The following PTPRT variants were observed in gnomAD, a reference collection of about 807,000 sequenced individuals.
PTPRT encodes receptor-type tyrosine-protein phosphatase T.
In PTPRT, 56 loss-of-function variants were observed where a neutral mutation model predicts 176.8. The observed-to-expected ratio is 0.32, with a 90% CI of 0.26 to 0.40. The LOEUF (loss-of-function observed/expected upper bound fraction) is 0.40, where lower values mean the gene tolerates loss of function less well. PTPRT is among the 10% of genes least tolerant of loss of function. PTPRT has a pLI of 1.00. For missense variants in PTPRT, 1,540 were observed against 1,908.2 expected (o/e 0.81, Z 3.60); for synonymous variants, 783 against 739.0 (o/e 1.06, Z -0.96).
At chr20:42,677,784 G>A (rs2075532203) in intron 7 of PTPRT, 82 bp downstream of exon 7, 1 of 1,466,864 alleles carries the variant, frequency 6.8e-7, no homozygotes, top group African/African-American at 1.4e-5. Context: ...GGAATTATCT[G>A]TCACAGGAAG....
chr20:42,503,950 C>A (rs570816784), intron 7 of PTPRT, among the ~76,000 whole-genome samples: 72 of 152,198 alleles, frequency 4.7e-4, no homozygotes, highest in South Asian at 8.3e-4. Flanking sequence ...ATGAGGGAAT[C>A]CTACCTTCAT....
chr20:42,964,700 C>T (rs1417242913), intron 1 of PTPRT, among the ~76,000 whole-genome samples: 4 of 152,054 alleles, frequency 2.6e-5, no homozygotes, highest in South Asian at 2.1e-4. Flanking sequence ...TTTTCCTGTG[C>T]TTTGAGTATT....
chr20:42,153,640 T>C (rs1989227109), intron 17 of PTPRT, among the ~76,000 whole-genome samples: 1 of 152,166 alleles, frequency 6.6e-6, no homozygotes, highest in Admixed American at 6.5e-5. Flanking sequence ...CGAGGGTACC[T>C]CTATTCCTCC....
chr20:42,104,232 A>G (rs1051857212), intron 25 of PTPRT, among the ~76,000 whole-genome samples: 5 of 152,156 alleles, frequency 3.3e-5, no homozygotes, highest in African/African-American at 1.2e-4. Flanking sequence ...AATTTGGGAG[A>G]CCAAGGTGGG....
intron 1 of PTPRT, among the ~76,000 whole-genome samples, chr20:43,119,530 A>T (rs1043963830): frequency 1.3e-5 from 2 of 152,212 alleles, no homozygotes; most frequent in African/African-American, 4.8e-5. Context: ...ATGCATCATG[A>T]CCCAGATTAT....
intron 1 of PTPRT, among the ~76,000 whole-genome samples, chr20:42,888,827 G>T (rs1439174973): frequency 4.6e-5 from 7 of 152,108 alleles, no homozygotes; most frequent in African/African-American, 1.7e-4. Context: ...CACAAAGTTT[G>T]CAGAATAGAG....
At chr20:42,463,794 A>G (rs1408584806) in intron 8 of PTPRT, among the ~76,000 whole-genome samples, 1 of 152,148 alleles carries the variant, frequency 6.6e-6, no homozygotes, top group Non-Finnish European at 1.5e-5. Flanking sequence ...TTCAGTTGCC[A>G]TATTTCTTTA....
At chr20:42,269,131 CT>C (rs1271601521) in intron 13 of PTPRT, among the ~76,000 whole-genome samples, 1 of 152,244 alleles carries the variant, frequency 6.6e-6, no homozygotes, top group Non-Finnish European at 1.5e-5. Flanking sequence ...CACATCCCCC[CT>C]TAGCTTTGTT....
At chr20:42,267,072 G>C (rs979033416) in intron 13 of PTPRT, among the ~76,000 whole-genome samples, 4 of 152,178 alleles carry the variant, frequency 2.6e-5, no homozygotes, top group African/African-American at 9.7e-5. Context: ...GTGGGCTTAA[G>C]ATTCTTTGAC....
At chr20:42,757,296 GACAAACTTCA>G in intron 5 of PTPRT, among the ~76,000 whole-genome samples, 1 of 152,198 alleles carries the variant, frequency 6.6e-6, no homozygotes, top group South Asian at 2.1e-4. Context: ...CATTCTTTCA[GACAAACTTCA>G]GCAGACTTAG....
chr20:42,264,229 A>G lies in PTPRT; in HGVS notation c.2177-15407T>C, dbSNP rs117632620. On this transcript the variant is annotated intron_variant, in intron 13 of 30. Transcript: ENST00000373187. ...GATTAGACATTTGTTTTGAAGAAGC[A>G]CAAACATTAACAATCATCTCCCACA... Among the ~76,000 whole-genome samples, 880 of 152,318 alleles carry G rather than the reference A, an allele frequency of 5.8e-3. 2 individuals are homozygous for G. The highest frequency in any genetic ancestry group is 9.8e-3 in the Non-Finnish European group (668 of 68,026).
intron 1 of PTPRT, among the ~76,000 whole-genome samples, chr20:43,064,072 C>T (rs963100520): frequency 6.8e-4 from 104 of 152,138 alleles, no homozygotes; most frequent in Non-Finnish European, 1.0e-4. Context: ...CAGACTACTA[C>T]CTATTCATCC....
chr20:42,683,275 T>G (rs542010067), intron 6 of PTPRT, among the ~76,000 whole-genome samples: 1 of 151,982 alleles, frequency 6.6e-6, no homozygotes, highest in East Asian at 1.9e-4. Flanking sequence ...TTGTTTTTTT[T>G]GTTTTGTTTT....
chr20:42,593,213 T>C lies in PTPRT; in HGVS notation c.1153+84653A>G, dbSNP rs552602538. Among the ~76,000 whole-genome samples, 9 of 152,208 alleles carry C rather than the reference T, an allele frequency of 5.9e-5. 1 individual carries two copies. The South Asian group carries it at 1.9e-3, about 32-fold the overall frequency. On this transcript the variant is annotated intron_variant, in intron 7 of 30. Transcript: ENST00000373187. ...GAGGAGCAGGATCCCCCAAAACCCA[T>C]CTCTGTGATCGCTATTGGATGCCAA... is the stretch of plus-strand genomic sequence containing the variant.
At chr20:42,277,624 G>C (rs2057063551) in intron 13 of PTPRT, among the ~76,000 whole-genome samples, 1 of 152,150 alleles carries the variant, frequency 6.6e-6, no homozygotes, top group Non-Finnish European at 1.5e-5. Flanking sequence ...GAGCCAGTTT[G>C]GACTCATAAT....
intron 12 of PTPRT, among the ~76,000 whole-genome samples, chr20:42,308,910 C>T (rs764297281): frequency 1.2e-4 from 18 of 152,184 alleles, no homozygotes; most frequent in Admixed American, 2.0e-4. Flanking sequence ...ACTATTATAA[C>T]GTGATTATAC....
intron 1 of PTPRT, chr20:42,966,547 G>A (rs552347383): frequency 6.6e-6 from 1 of 152,166 alleles, no homozygotes; most frequent in African/African-American, 2.4e-5. Context: ...ATCTGCAACA[G>A]AAGGTACCGC....
chr20:42,886,022 T>C, intron 1 of PTPRT, 90 bp from the exon 2 acceptor site: 1 of 1,099,050 alleles, frequency 9.1e-7, no homozygotes, highest in Non-Finnish European at 1.2e-6. Context: ...TTTACAGCTT[T>C]GAATTTTAAA....
Position 43,096,561 on chromosome 20 carries a change from C to T in PTPRT, c.88+93085G>A, listed in dbSNP as rs1378455706. The stretch of plus-strand genomic sequence containing the variant: ...CAGAGGGGGTTCCTCCACTCCTGGC[C>T]GGTTCCCCAGCTCAGCAGGCTCCCG... On this transcript the variant is annotated intron_variant, in intron 1 of 30. Transcript: ENST00000373187. 5.9e-5 allele frequency among the ~76,000 whole-genome samples: 9 copies of T among 152,292 alleles called. No individual in the cohort carries two copies. The East Asian group carries it at 1.4e-3, about 23-fold the overall frequency.
Sources: allele counts gnomAD v4.1 joint callset (sites outside exome capture counted in the v4.1 genomes callset), GRCh38; gene constraint gnomAD v4.1.1; transcripts MANE v1.5; gene names NCBI Gene and HGNC (gene_info 2026-07-23, HGNC 2026-07-21).